MARCHF5: variants seen among roughly 807,000 people sequenced by gnomAD.
The protein encoded by MARCHF5 is E3 ubiquitin-protein ligase MARCHF5.
Under a neutral mutation model 36.5 loss-of-function variants are expected in MARCHF5, and 5 were observed. The observed-to-expected ratio is 0.14, with a 90% CI of 0.07 to 0.29. MARCHF5 has a LOEUF of 0.29. MARCHF5 is among the 10% of genes least tolerant of loss of function. MARCHF5 has a pLI of 1.00. For synonymous variants in MARCHF5, 103 were observed against 109.9 expected, an observed-to-expected ratio of 0.94 and a Z score of 0.39; for missense variants, 179 against 336.3, an observed-to-expected ratio of 0.53 and a Z score of 3.66.
intron 1 of MARCHF5, among the ~76,000 whole-genome samples, chr10:92,298,182 A>G (rs1213227198): frequency 6.6e-6 from 1 of 152,194 alleles, no homozygotes; most frequent in Non-Finnish European, 1.5e-5. Flanking sequence ...CTCTCTATAT[A>G]TGTATATGTA....
At chr10:92,321,604 T>C (rs1255817046) in intron 2 of MARCHF5, among the ~76,000 whole-genome samples, 4 of 152,080 alleles carry the variant, frequency 2.6e-5, no homozygotes, top group Non-Finnish European at 5.9e-5. Context: ...CCCTCCTTTA[T>C]GTTTTTTAAA....
chr10:92,335,827 A>G (rs542019994), intron 2 of MARCHF5, among the ~76,000 whole-genome samples: 129 of 152,352 alleles, frequency 8.5e-4, no homozygotes, highest in African/African-American at 3.0e-3. Flanking sequence ...CATGATAGAT[A>G]AAAGTAATAG....
intron 1 of MARCHF5, among the ~76,000 whole-genome samples, chr10:92,294,552 G>A (rs1416446098): frequency 3.9e-5 from 6 of 152,200 alleles, no homozygotes; most frequent in African/African-American, 9.7e-5. Context: ...AAATATGTCA[G>A]CCTATTAGGA....
chr10:92,338,680 G>T (rs6583808), intron 2 of MARCHF5, among the ~76,000 whole-genome samples: 3 of 152,060 alleles, frequency 2.0e-5, no homozygotes. Context: ...GTGACATAGC[G>T]ATATTATTGG....
intron 1 of MARCHF5, among the ~76,000 whole-genome samples, chr10:92,293,978 T>G (rs1291420890): frequency 2.0e-5 from 3 of 152,226 alleles, no homozygotes; most frequent in Non-Finnish European, 4.4e-5. Flanking sequence ...AGATTAGTAG[T>G]TGGCAACCTA....
intron 3 of MARCHF5, among the ~76,000 whole-genome samples, chr10:92,347,063 G>A (rs912999605): frequency 2.0e-5 from 3 of 152,146 alleles, no homozygotes; most frequent in Non-Finnish European, 2.9e-5. Flanking sequence ...GAATTTCTTA[G>A]CCAGACGTGG....
In MARCHF5 at chr10:92,330,337, T is replaced by C. The variant is rs140237819; in HGVS notation, c.239-10336T>C. ...TTTCTGGGTACACACTGTATATGAATAAAAGTAGCTGAATTACAGGTCCAA... is the reference window on the plus strand; with the variant it reads ...TTTCTGGGTACACACTGTATATGAACAAAAGTAGCTGAATTACAGGTCCAA... On this transcript the variant is annotated intron_variant, in intron 2 of 5. Transcript: ENST00000358935. Among the ~76,000 whole-genome samples the C allele has an allele frequency of 3.3e-3, 500 of 152,306 alleles. 4 individuals are homozygous for C. The highest frequency in any genetic ancestry group is 0.011 in the African/African-American group (469 of 41,574).
At chr10:92,331,964 CGT>C in intron 2 of MARCHF5, among the ~76,000 whole-genome samples, 1 of 145,180 alleles carries the variant, frequency 6.9e-6, no homozygotes, top group African/African-American at 2.5e-5. Flanking sequence ...TATATATAAT[CGT>C]ATATATATAT....
At chr10:92,313,839 G>C (rs989356312) in intron 2 of MARCHF5, among the ~76,000 whole-genome samples, 1 of 152,190 alleles carries the variant, frequency 6.6e-6, no homozygotes. Context: ...GCCACAGTGA[G>C]CTGTGATTGC....
intron 2 of MARCHF5, among the ~76,000 whole-genome samples, chr10:92,332,515 CTTTTTTT>C (rs34226671): frequency 4.2e-5 from 4 of 95,936 alleles, no homozygotes; most frequent in Admixed American, 1.4e-4. Context: ...ATTCCCCATC[CTTTTTTT>C]TTTTTTTTTT....
At chr10:92,347,512 AG>A (rs1429623099) in intron 3 of MARCHF5, among the ~76,000 whole-genome samples, 1 of 42,182 alleles carries the variant, frequency 2.4e-5, no homozygotes, top group African/African-American at 8.8e-5. Context: ...ATAGATAGAT[AG>A]ATAGATAGAT....
intron 3 of MARCHF5, among the ~76,000 whole-genome samples, chr10:92,348,076 G>A (rs1164709039): frequency 4.0e-5 from 6 of 151,804 alleles, no homozygotes; most frequent in African/African-American, 7.3e-5. Flanking sequence ...CCAGCTACTC[G>A]AAAGGCTGAG....
chr10:92,296,251 C>T (rs1256549223), intron 1 of MARCHF5, among the ~76,000 whole-genome samples: 3 of 151,994 alleles, frequency 2.0e-5, no homozygotes, highest in African/African-American at 7.3e-5. Context: ...TTATTTGAAC[C>T]TTTTAAGTTG....
At chr10:92,333,927 C>T (rs561186767) in intron 2 of MARCHF5, among the ~76,000 whole-genome samples, 7 of 152,108 alleles carry the variant, frequency 4.6e-5, no homozygotes, top group Admixed American at 4.6e-4. Context: ...CAGTGCCTCA[C>T]GCCTGTAATC....
chr10:92,353,952 A>T lies in MARCHF5; in HGVS notation c.*2745A>T, dbSNP rs897155222. The T allele has an allele frequency of 6.5e-6, 1 of 152,722 alleles. No homozygotes were observed. Among genetic ancestry groups the T allele is most frequent in the African/African-American group, 2.4e-5 (1 of 41,558 alleles). The allele number at this position is 152,722 out of a possible 1,614,324, so 9.5% of individuals were successfully genotyped here. A position where few individuals can be genotyped will look rare whatever the true frequency, so the allele number is the denominator to read the frequency against. ...ACTGGCTGGATTAGGTTAAATAAAG[A>T]ATTTTTATGTTCTCTAGGTGTACTT... On this transcript the variant is annotated 3_prime_UTR_variant, in exon 6 of 6. Coordinates refer to ENST00000358935, the MANE Select transcript of MARCHF5 (RefSeq NM_017824.5).
chr10:92,342,627 CTGTCAATCCATCCT>C (rs1321679527), intron 3 of MARCHF5, among the ~76,000 whole-genome samples: 1 of 152,164 alleles, frequency 6.6e-6, no homozygotes, highest in Non-Finnish European at 1.5e-5. Flanking sequence ...TCATGTTCTT[CTGTCAATCCATCCT>C]TCCAAATGAA....
intron 2 of MARCHF5, among the ~76,000 whole-genome samples, chr10:92,322,498 G>A (rs1843302585): frequency 6.9e-6 from 1 of 145,130 alleles, no homozygotes; most frequent in South Asian, 2.2e-4. Flanking sequence ...GGGATGCAGT[G>A]GCACAATCTC....
rs896320758 is a variant in MARCHF5, at chr10:92,351,389, T to C, written c.*182T>C. The C allele has an allele frequency of 2.2e-6, 1 of 458,540 alleles. No homozygotes were observed. The highest frequency in any genetic ancestry group is 3.6e-5 in the East Asian group (1 of 28,046). 28.4% of individuals were successfully genotyped at this position (458,540 alleles called of 1,614,324 possible). On this transcript the variant is annotated 3_prime_UTR_variant, in exon 6 of 6. Coordinates refer to ENST00000358935, the MANE Select transcript of MARCHF5 (RefSeq NM_017824.5). ...TCGGTAATCATGGAACCTAAGGATG[T>C]GATTTGTTTTCATTGTTTGTATGTA...
chr10:92,307,773 G>T (rs1483367093), intron 1 of MARCHF5, among the ~76,000 whole-genome samples: 1 of 151,904 alleles, frequency 6.6e-6, no homozygotes, highest in African/African-American at 2.4e-5. Flanking sequence ...TACTTGGGAG[G>T]CGGAGGCATG....
Sources: allele counts gnomAD v4.1 joint callset (sites outside exome capture counted in the v4.1 genomes callset), GRCh38; gene constraint gnomAD v4.1.1; transcripts MANE v1.5; gene names NCBI Gene and HGNC (gene_info 2026-07-23, HGNC 2026-07-21).